Variants in SGK3 observed in about 807,000 individuals in gnomAD.
The protein encoded by SGK3 is serine/threonine-protein kinase Sgk3.
Under a neutral mutation model 68.5 loss-of-function variants are expected in SGK3, and 47 were observed. The ratio of observed to expected loss-of-function variants is 0.69; its 90% CI spans 0.54 to 0.87. The LOEUF is 0.87. Among genes scored for constraint, SGK3 ranks in the 40% least tolerant of loss-of-function variants. The pLI, the probability that SGK3 is intolerant of heterozygous loss-of-function variation, is 0.00. For synonymous variants in SGK3, 181 were observed against 189.1 expected, an observed-to-expected ratio of 0.96 and a Z score of 0.35; for missense variants, 479 against 575.5, an observed-to-expected ratio of 0.83 and a Z score of 1.72.
In SGK3 at chr8:66,764,612, G is replaced by A. The variant is rs115363698; in HGVS notation, c.-121-29004G>A. Among the ~76,000 whole-genome samples, 610 of 152,140 alleles carry A rather than the reference G, an allele frequency of 4.0e-3. 7 individuals carry two copies. The highest frequency in any genetic ancestry group is 0.014 in the African/African-American group (583 of 41,510). Reference sequence around the variant, plus strand: ...CAGCCTCCTGTAGCTGGGACTACAGGCATGCTCCACTACGCCTGGCTAATT... The same window carrying A: ...CAGCCTCCTGTAGCTGGGACTACAGACATGCTCCACTACGCCTGGCTAATT... On this transcript the variant is annotated intron_variant, in intron 1 of 16. Transcript: ENST00000521198.
intron 13 of SGK3, among the ~76,000 whole-genome samples, chr8:66,842,370 G>C (rs113725020): frequency 6.6e-6 from 1 of 151,796 alleles, no homozygotes; most frequent in Non-Finnish European, 1.5e-5. Flanking sequence ...ACAGGCGCCC[G>C]CCACCACGCC....
intron 1 of SGK3, among the ~76,000 whole-genome samples, chr8:66,718,154 T>A (rs958756440): frequency 6.6e-6 from 1 of 151,844 alleles, no homozygotes; most frequent in Non-Finnish European, 1.5e-5. Context: ...GCCTCCGAAG[T>A]AGCTGGGACT....
intron 1 of SGK3, among the ~76,000 whole-genome samples, chr8:66,774,365 G>A (rs568496519): frequency 1.3e-5 from 2 of 152,130 alleles, no homozygotes; most frequent in South Asian, 4.2e-4. Flanking sequence ...GTCTTGCTAT[G>A]AGGTCCAGGC....
At chr8:66,809,864 G>A (rs1242650647) in intron 4 of SGK3, among the ~76,000 whole-genome samples, 4 of 152,160 alleles carry the variant, frequency 2.6e-5, no homozygotes, top group Non-Finnish European at 5.9e-5. Flanking sequence ...ATGGTTTTTG[G>A]TAGAAAGCCT....
intron 1 of SGK3, among the ~76,000 whole-genome samples, chr8:66,784,833 CA>C (rs916144588): frequency 6.6e-6 from 1 of 151,966 alleles, no homozygotes; most frequent in Non-Finnish European, 1.5e-5. Context: ...AGACCCCAAA[CA>C]AAAAAATTTT....
intron 16 of SGK3, among the ~76,000 whole-genome samples, chr8:66,858,370 G>A (rs1428548735): frequency 6.6e-6 from 1 of 151,984 alleles, no homozygotes; most frequent in Admixed American, 6.6e-5. Context: ...GGAGGCTGAG[G>A]CAGGAGAATG....
intron 1 of SGK3, chr8:66,767,543 GCT>G: frequency 1.3e-6 from 2 of 1,510,776 alleles, no homozygotes; most frequent in Non-Finnish European, 1.8e-6. Context: ...AGCTTTTCAA[GCT>G]CTCTCTCCTC....
At chr8:66,845,692 G>GCTTA (rs1288844705) in intron 14 of SGK3, among the ~76,000 whole-genome samples, 2 of 134,060 alleles carry the variant, frequency 1.5e-5, no homozygotes, top group Non-Finnish European at 3.3e-5. Flanking sequence ...CACCTAGCTT[G>GCTTA]CTTATTTATT....
intron 16 of SGK3, among the ~76,000 whole-genome samples, chr8:66,853,704 C>CT (rs1563661919): frequency 6.6e-6 from 1 of 152,058 alleles, no homozygotes; most frequent in Non-Finnish European, 1.5e-5. Context: ...TCTGGATTCT[C>CT]TTTTTTTAGC....
intron 1 of SGK3, among the ~76,000 whole-genome samples, chr8:66,751,264 C>T (rs1026529385): frequency 6.6e-6 from 1 of 152,042 alleles, no homozygotes; most frequent in Non-Finnish European, 1.5e-5. Flanking sequence ...GTCTGCTTTT[C>T]GGATATTAAG....
intron 1 of SGK3, among the ~76,000 whole-genome samples, chr8:66,755,764 T>C (rs1482894117): frequency 6.6e-6 from 1 of 152,176 alleles, no homozygotes; most frequent in African/African-American, 2.4e-5. Flanking sequence ...GGTGAAACAG[T>C]TATAAAACAG....
intron 1 of SGK3, chr8:66,767,989 T>C: frequency 2.5e-6 from 2 of 793,008 alleles, no homozygotes; most frequent in Non-Finnish European, 4.6e-6. Context: ...CTTATCAACA[T>C]AGATCAGAGT....
chr8:66,745,389 G>T (rs1805624042), intron 1 of SGK3, among the ~76,000 whole-genome samples: 1 of 151,954 alleles, frequency 6.6e-6, no homozygotes, highest in Non-Finnish European at 1.5e-5. Context: ...GGCTAACTTG[G>T]TGAAACCCCG....
chr8:66,743,486 A>C (rs1805539780), intron 1 of SGK3, among the ~76,000 whole-genome samples: 1 of 152,224 alleles, frequency 6.6e-6, no homozygotes. Context: ...TATAGTAACT[A>C]GGGTGCTCCT....
intron 3 of SGK3, 74 bp from the exon 4 acceptor site, chr8:66,804,301 A>G (rs548228469): frequency 1.6e-6 from 2 of 1,266,898 alleles, no homozygotes; most frequent in Non-Finnish European, 1.1e-6. Flanking sequence ...ATAAGATTGT[A>G]TTTGGCTTTG....
intron 7 of SGK3, among the ~76,000 whole-genome samples, chr8:66,829,495 C>T (rs138835998): frequency 6.6e-6 from 1 of 152,114 alleles, no homozygotes; most frequent in Non-Finnish European, 1.5e-5. Flanking sequence ...AAGAGAAAAA[C>T]CAGGAATATG....
intron 1 of SGK3, among the ~76,000 whole-genome samples, chr8:66,723,950 A>T (rs1321656837): frequency 6.6e-6 from 1 of 152,214 alleles, no homozygotes; most frequent in Non-Finnish European, 1.5e-5. Flanking sequence ...GAAAGACAAG[A>T]TAGTCCAATG....
chr8:66,835,738 A>G lies in SGK3; in HGVS notation c.526-25A>G, dbSNP rs746697919. The G allele has an allele frequency of 7.5e-6, 12 of 1,600,144 alleles. No individual in the cohort carries two copies. In the East Asian group the frequency reaches 1.8e-4, roughly 24 times the overall value. On this transcript the variant is annotated intron_variant, in intron 8 of 16. Transcript: ENST00000521198. ...ATCAAAATTTGAAATTTCTAATAGT[A>G]TACACTAATGTTTAACTATAACAGG...
At chr8:66,831,038 G>A (rs1402429850) in intron 7 of SGK3, among the ~76,000 whole-genome samples, 1 of 152,162 alleles carries the variant, frequency 6.6e-6, no homozygotes, top group African/African-American at 2.4e-5. Flanking sequence ...GAGGCTTAAA[G>A]TTATGAAATG....
Sources: allele counts gnomAD v4.1 joint callset (sites outside exome capture counted in the v4.1 genomes callset), GRCh38; gene constraint gnomAD v4.1.1; transcripts MANE v1.5; gene names NCBI Gene and HGNC (gene_info 2026-07-23, HGNC 2026-07-21).